The following PEBP1 variants were observed in gnomAD, a reference collection of about 807,000 sequenced individuals.
PEBP1 encodes phosphatidylethanolamine-binding protein 1.
A neutral mutation model predicts 22.7 loss-of-function variants in PEBP1; 17 were observed. That is an observed-to-expected ratio of 0.75 (90% CI 0.51 to 1.12). The LOEUF (loss-of-function observed/expected upper bound fraction) is 1.12, where lower values mean the gene tolerates loss of function less well. Among genes scored for constraint, PEBP1 ranks in the 50% most tolerant of loss-of-function variants. PEBP1 has a pLI of 0.00. For synonymous variants in PEBP1, 106 were observed against 104.3 expected, an observed-to-expected ratio of 1.02 and a Z score of -0.10; for missense variants, 205 against 243.5, an observed-to-expected ratio of 0.84 and a Z score of 1.05.
Position 118,144,988 on chromosome 12 carries a change from C to CT in PEBP1, c.*186dup. ...GCCTTTATAATTTTACTCACTCACTCTGATTTATGTTTTGATCAAATTTGA... is the reference window on the plus strand; with the variant it reads ...GCCTTTATAATTTTACTCACTCACTCTTGATTTATGTTTTGATCAAATTTGA... On this transcript the variant is annotated 3_prime_UTR_variant, in exon 4 of 4. Coordinates refer to ENST00000261313, the MANE Select transcript of PEBP1 (RefSeq NM_002567.4). 6.6e-7 allele frequency: 1 copy of CT among 1,522,390 alleles called. No individual in the cohort carries two copies. The highest frequency in any genetic ancestry group is 8.8e-7 in the Non-Finnish European group (1 of 1,138,952). The allele number at this position is 1,522,390 out of a possible 1,614,324, so 94.3% of individuals were successfully genotyped here. A position where few individuals can be genotyped will look rare whatever the true frequency, so the allele number is the denominator to read the frequency against.
intron 3 of PEBP1, among the ~76,000 whole-genome samples, chr12:118,140,378 C>CT (rs2034103607): frequency 6.6e-6 from 1 of 152,124 alleles, no homozygotes; most frequent in Non-Finnish European, 1.5e-5. Flanking sequence ...GACCCGGAAG[C>CT]TTCAGATGCC....
chr12:118,136,164 T>TACCGC lies in PEBP1; in HGVS notation c.-46_-45insACCGC. 1 of 1,536,974 alleles carries TACCGC rather than the reference T, an allele frequency of 6.5e-7. No homozygotes were observed. The highest frequency in any genetic ancestry group is 2.0e-5 in the Admixed American group (1 of 50,876). On this transcript the variant is annotated 5_prime_UTR_variant, in exon 1 of 4. Transcript: ENST00000261313. This position sits in a 1 kb window ranked among gnomAD's most constrained non-coding sequence, Gnocchi z 5.6. ...CCGCGTCGCCTCTGTCGCCCGCGCC[T>TACCGC]GGCCTACCGCGGCACTCCCGGCTGC...
intron 2 of PEBP1, chr12:118,138,960 G>A (rs577432055): frequency 6.4e-6 from 1 of 155,188 alleles, no homozygotes; most frequent in Non-Finnish European, 1.4e-5. Flanking sequence ...AAATGTCAGA[G>A]GGTGGGAGGG....
intron 3 of PEBP1, among the ~76,000 whole-genome samples, chr12:118,143,335 C>G (rs918633500): frequency 2.0e-5 from 3 of 152,160 alleles, no homozygotes; most frequent in African/African-American, 7.2e-5. Context: ...ATTTGTCTTG[C>G]GACTGGCTAA....
chr12:118,143,522 C>T (rs1239950655), intron 3 of PEBP1, among the ~76,000 whole-genome samples: 1 of 152,146 alleles, frequency 6.6e-6, no homozygotes, highest in African/African-American at 2.4e-5. Context: ...AGTGGACAGT[C>T]GGGTTGCTTC....
In PEBP1 at chr12:118,139,568, T is replaced by C. The variant is rs1171586170; in HGVS notation, c.346+17T>C. 2 of 1,560,058 alleles carry C rather than the reference T, an allele frequency of 1.3e-6. No homozygotes were observed. Among genetic ancestry groups the C allele is most frequent in the African/African-American group, 2.7e-5 (2 of 73,440 alleles). ...AGGGCACAGGTTAGTAAAGGTTGTT[T>C]TTGGTGGGAGGTTGGGGAGGGAGCT... On this transcript the variant is annotated intron_variant, in intron 3 of 3. Coordinates refer to ENST00000261313, the MANE Select transcript of PEBP1 (RefSeq NM_002567.4).
chr12:118,143,860 A>G (rs1217293252), intron 3 of PEBP1, among the ~76,000 whole-genome samples: 1 of 149,844 alleles, frequency 6.7e-6, no homozygotes. Flanking sequence ...AGCCGAGATC[A>G]TGCCACTGCA....
At chr12:118,138,292 G>C (rs574811133) in intron 2 of PEBP1, 144 bp downstream of exon 2, 44 of 643,554 alleles carry the variant, frequency 6.8e-5, no homozygotes, top group Middle Eastern at 2.5e-4. Flanking sequence ...CTGCCCTTTT[G>C]CCCCCCTACA....
At chr12:118,139,595 G>A (rs375829235) in intron 3 of PEBP1, 44 bp downstream of exon 3, 4 of 1,218,930 alleles carry the variant, frequency 3.3e-6, no homozygotes, top group African/African-American at 3.0e-5. Flanking sequence ...GAGGGAGCTC[G>A]GGGGCACATT....
Position 118,144,897 on chromosome 12 carries a change from C to A in PEBP1, c.*94C>A. ...TATAATAGATTTCTCCTCTTCCTGC[C>A]CCCCTTGGCATGGGTGAGACCTGAC... On this transcript the variant is annotated 3_prime_UTR_variant, in exon 4 of 4. Coordinates refer to ENST00000261313, the MANE Select transcript of PEBP1 (RefSeq NM_002567.4). The A allele has an allele frequency of 6.3e-7, 1 of 1,588,292 alleles. No individual in the cohort carries two copies. The highest frequency in any genetic ancestry group is 8.5e-7 in the Non-Finnish European group (1 of 1,173,216).
chr12:118,136,172 C>A lies in PEBP1; in HGVS notation c.-38C>A. ...CCTCTGTCGCCCGCGCCTGGCCTAC[C>A]GCGGCACTCCCGGCTGCACGCTCTG... On this transcript the variant is annotated 5_prime_UTR_variant, in exon 1 of 4. Transcript: ENST00000261313. This position sits in a 1 kb window ranked among gnomAD's most constrained non-coding sequence, Gnocchi z 5.6. 6.5e-7 allele frequency: 1 copy of A among 1,538,942 alleles called. No homozygotes were observed. The highest frequency in any genetic ancestry group is 8.7e-7 in the Non-Finnish European group (1 of 1,145,548).
chr12:118,143,373 C>T (rs1237593820), intron 3 of PEBP1, among the ~76,000 whole-genome samples: 1 of 152,108 alleles, frequency 6.6e-6, no homozygotes, highest in Non-Finnish European at 1.5e-5. Context: ...TCTCAAGGTT[C>T]TCTGGTGTAG....
chr12:118,141,067 C>T (rs2034109742), intron 3 of PEBP1, among the ~76,000 whole-genome samples: 1 of 151,984 alleles, frequency 6.6e-6, no homozygotes, highest in Non-Finnish European at 1.5e-5. Flanking sequence ...ACTTAAATTC[C>T]CCCAGAGCTA....
chr12:118,138,561 G>T (rs2034086912), intron 2 of PEBP1, among the ~76,000 whole-genome samples: 1 of 151,892 alleles, frequency 6.6e-6, no homozygotes, highest in African/African-American at 2.4e-5. Context: ...ACCATGCCTG[G>T]CTAATTTTTG....
chr12:118,144,097 CT>C (rs1768412172), intron 3 of PEBP1, among the ~76,000 whole-genome samples: 1 of 152,110 alleles, frequency 6.6e-6, no homozygotes. Flanking sequence ...ATCCTAGAGG[CT>C]CGACTGTGGT....
chr12:118,145,165 G>T lies in PEBP1; in HGVS notation c.*362G>T, dbSNP rs2034146521. 8 of 254,348 alleles carry T rather than the reference G, an allele frequency of 3.1e-5. No homozygotes were observed. Among genetic ancestry groups the T allele is most frequent in the South Asian group, 4.0e-5 (1 of 25,120 alleles). The allele number at this position is 254,348 out of a possible 1,614,324, so 15.8% of individuals were successfully genotyped here. On this transcript the variant is annotated 3_prime_UTR_variant, in exon 4 of 4. Coordinates refer to ENST00000261313, the MANE Select transcript of PEBP1 (RefSeq NM_002567.4). ...AAGCATCAAAGAATCTTTAAGGGAG[G>T]TTTAAAAAAAAAAAAAAAAAAAAAG...
intron 3 of PEBP1, among the ~76,000 whole-genome samples, chr12:118,140,436 C>T (rs1489498807): frequency 6.6e-6 from 1 of 152,166 alleles, no homozygotes; most frequent in Non-Finnish European, 1.5e-5. Context: ...GGACAGATTT[C>T]CCAGGGACCT....
chr12:118,137,497 G>C (rs1387660022), intron 1 of PEBP1, among the ~76,000 whole-genome samples: 1 of 152,180 alleles, frequency 6.6e-6, no homozygotes, highest in African/African-American at 2.4e-5. Flanking sequence ...TGAGGCTACA[G>C]TGAGCCTTGA....
intron 3 of PEBP1, among the ~76,000 whole-genome samples, chr12:118,141,806 CTG>C (rs1406114345): frequency 2.6e-5 from 4 of 152,180 alleles, no homozygotes; most frequent in Non-Finnish European, 4.4e-5. Flanking sequence ...CAGATAATAT[CTG>C]TGAGATTGGT....
Sources: allele counts gnomAD v4.1 joint callset (sites outside exome capture counted in the v4.1 genomes callset), GRCh38; gene constraint gnomAD v4.1.1; non-coding constraint Gnocchi (gnomAD v3.1); transcripts MANE v1.5; gene names NCBI Gene and HGNC (gene_info 2026-07-23, HGNC 2026-07-21).